WDFY4: variants seen among roughly 807,000 people sequenced by gnomAD.
WDFY4 encodes WDFY family member 4.
Under a neutral mutation model 351.9 loss-of-function variants are expected in WDFY4, and 169 were observed. That is an observed-to-expected ratio of 0.48 (90% confidence interval 0.42 to 0.55). The LOEUF is 0.55. Ranked by LOEUF, WDFY4 falls within the 20% of genes least tolerant of loss-of-function variation. WDFY4 has a pLI of 0.00. For missense variants in WDFY4, 3,803 were observed against 3,935.6 expected (o/e 0.97, Z 0.90); for synonymous variants, 1,622 against 1,574.6 (o/e 1.03, Z -0.71).
At position 48,982,775 on chromosome 10, in the gene WDFY4, C is replaced by A; in HGVS notation, c.*200C>A. ...GGGACTTCTATGAAAAGGATGAGCA[C>A]ACACACTCGGAGGGCTGAGCAGCAC... On this transcript the variant is annotated 3_prime_UTR_variant, in exon 62 of 62. Coordinates refer to ENST00000325239, the MANE Select transcript of WDFY4 (RefSeq NM_001394531.1). 1.6e-6 allele frequency: 1 copy of A among 617,130 alleles called. No homozygotes were observed. The highest frequency in any genetic ancestry group is 3.1e-6 in the Non-Finnish European group (1 of 323,662). 38.2% of individuals were successfully genotyped at this position (617,130 alleles called of 1,614,324 possible). A position where few individuals can be genotyped will look rare whatever the true frequency, so the allele number is the denominator to read the frequency against.
intron 39 of WDFY4, among the ~76,000 whole-genome samples, chr10:48,864,894 GA>G (rs1213140507): frequency 5.9e-5 from 9 of 152,144 alleles, no homozygotes; most frequent in Admixed American, 6.6e-5. Context: ...GAACACAGCT[GA>G]TTTACGTGTT....
At chr10:48,823,329 A>T in intron 35 of WDFY4, 1 of 1,281,548 alleles carries the variant, frequency 7.8e-7, no homozygotes, top group Non-Finnish European at 1.0e-6. Flanking sequence ...ACTTTCTGTT[A>T]TCAAGCTGGG....
Position 48,743,525 on chromosome 10 carries a change from G to A in WDFY4, c.2436G>A (p.Lys812=), listed in dbSNP as rs572382461. The A allele has an allele frequency of 4.2e-5, 64 of 1,537,406 alleles. No individual in the cohort carries two copies. The South Asian group carries it at 5.8e-4, about 14-fold the overall frequency. ...GCAGTGACCCCCAACGCAACTTCAA[G>A]CAGTGGCCAGACCTGGAGGAGAGGT... The part of the protein sequence containing the change: ...ETGSDPQRNF[K]QWPDLEERMD... Residue 812 remains lysine, a synonymous_variant, in exon 12 of 62, where the codon AAG becomes AAA. Coordinates refer to ENST00000325239, the MANE Select transcript of WDFY4 (RefSeq NM_001394531.1).
At chr10:48,865,339 G>A (rs2069507060) in intron 39 of WDFY4, among the ~76,000 whole-genome samples, 1 of 152,080 alleles carries the variant, frequency 6.6e-6, no homozygotes, top group Non-Finnish European at 1.5e-5. Flanking sequence ...CATGGTTTCT[G>A]TTATTTATTC....
chr10:48,947,048 G>T, intron 51 of WDFY4, 79 bp downstream of exon 51: 1 of 1,196,194 alleles, frequency 8.4e-7, no homozygotes, highest in East Asian at 2.6e-5. Context: ...ACTAAGACCT[G>T]TGCTTGAACA....
chr10:48,698,030 C>G (rs2063377911), intron 1 of WDFY4, among the ~76,000 whole-genome samples: 1 of 152,188 alleles, frequency 6.6e-6, no homozygotes, highest in Non-Finnish European at 1.5e-5. Flanking sequence ...TGTGCCCCAG[C>G]TCTTGAGATG....
intron 24 of WDFY4, among the ~76,000 whole-genome samples, chr10:48,799,253 A>G (rs1324135823): frequency 1.3e-5 from 2 of 152,256 alleles, no homozygotes; most frequent in African/African-American, 4.8e-5. Flanking sequence ...ACCACCAATA[A>G]GAACCAGATG....
chr10:48,814,106 G>A, intron 31 of WDFY4, 24 bp downstream of exon 31: 1 of 1,511,092 alleles, frequency 6.6e-7, no homozygotes, highest in Non-Finnish European at 8.9e-7. Flanking sequence ...CCCACATGCT[G>A]CCCCGAGGAG....
At position 48,877,077 on chromosome 10, in the gene WDFY4, G is replaced by A; in HGVS notation, c.7045G>A (p.Gly2349Arg). 5.2e-6 allele frequency: 8 copies of A among 1,534,402 alleles called. No individual in the cohort carries two copies. The highest frequency in any genetic ancestry group is 7.0e-6 in the Non-Finnish European group (8 of 1,137,066). The change falls in exon 43 of 62, where the codon GGG becomes AGG. Residue 2349 changes from glycine (G) to arginine (R), a missense_variant. By Grantham distance (125) the Gly-to-Arg change is moderately radical. This residue lies in a region of WDFY4 where 3,054 missense variants were observed against 3,148.6 expected (regional missense o/e 0.97). Transcript: ENST00000325239. ...GGCTGAGGGCGAGCCGGACGAGGTG[G>A]GGGTGGACTGCACCCAGCTGACCTT... is the stretch of plus-strand genomic sequence containing the variant. ...REAEGEPDEV[G>R]VDCTQLTFFP...
chr10:48,770,564 G>C (rs1199215275), intron 13 of WDFY4, among the ~76,000 whole-genome samples: 1 of 152,208 alleles, frequency 6.6e-6, no homozygotes, highest in African/African-American at 2.4e-5. Flanking sequence ...TTCAAGGCAA[G>C]AGGGTGGATG....
At chr10:48,863,775 A>G (rs1401485236) in intron 39 of WDFY4, among the ~76,000 whole-genome samples, 2 of 152,170 alleles carry the variant, frequency 1.3e-5, no homozygotes, top group Non-Finnish European at 2.9e-5. Flanking sequence ...GTAATTTATA[A>G]AGAAAAGAGG....
In WDFY4 at chr10:48,980,295, TACA is replaced by T. The variant is rs200758635; in HGVS notation, c.9377-1071_9377-1069del. On this transcript the variant is annotated intron_variant, in intron 60 of 61. Transcript: ENST00000325239. ...CTCTAATAAAAAGGCATGTTGTTCT[TACA>T]TTGCTCAAAACTGCTTTGTTGGAAA... 4.9e-4 allele frequency among the ~76,000 whole-genome samples: 63 copies of T among 127,750 alleles called. 1 individual carries two copies. In the South Asian group the frequency reaches 9.0e-3, roughly 18 times the overall value. The allele number at this position is 127,750 out of a possible 152,430, so 83.8% of individuals were successfully genotyped here.
chr10:48,926,265 C>G (rs971938432), intron 47 of WDFY4, among the ~76,000 whole-genome samples: 4 of 152,214 alleles, frequency 2.6e-5, no homozygotes, highest in African/African-American at 4.8e-5. Context: ...GCCCCAGGCC[C>G]CAGGAAGGGT....
chr10:48,947,844 C>T (rs777045832), intron 51 of WDFY4, among the ~76,000 whole-genome samples: 2 of 152,174 alleles, frequency 1.3e-5, no homozygotes, highest in Non-Finnish European at 2.9e-5. Context: ...GTATGGGCTG[C>T]CCTGATCCAG....
At position 48,778,750 on chromosome 10, in the gene WDFY4, C is replaced by G. The variant is rs1824729067; in HGVS notation, c.3315C>G (p.Pro1105=). 1 of 1,551,658 alleles carries G rather than the reference C, an allele frequency of 6.4e-7. No individual in the cohort carries two copies. The highest frequency in any genetic ancestry group is 8.7e-7 in the Non-Finnish European group (1 of 1,147,016). Residue 1105 remains proline (P), a synonymous_variant, in exon 18 of 62, where the codon CCC becomes CCG. Transcript: ENST00000325239. ...GCCACCTGGCCAGGACTGAGCAACC[C>G]TTTGTTTGCTTCTCCGTCAGCCTCT... ...LVRHLARTEQ[P]FVCFSVSLCP...
chr10:48,952,951 G>T (rs1039186581), intron 51 of WDFY4, among the ~76,000 whole-genome samples: 4 of 152,076 alleles, frequency 2.6e-5, no homozygotes, highest in African/African-American at 9.7e-5. Flanking sequence ...TCACACATTT[G>T]CCCCGTTACT....
chr10:48,935,502 C>A (rs2133714238), intron 47 of WDFY4, among the ~76,000 whole-genome samples: 1 of 152,364 alleles, frequency 6.6e-6, no homozygotes, highest in Admixed American at 6.5e-5. Flanking sequence ...AGAAGCCACA[C>A]ATTTCTCTTA....
chr10:48,715,869 TCA>T (rs1325286755), intron 2 of WDFY4, among the ~76,000 whole-genome samples: 6 of 151,766 alleles, frequency 4.0e-5, no homozygotes, highest in African/African-American at 1.5e-4. Context: ...CAGGATGGTC[TCA>T]GTCTCCTGAC....
At chr10:48,747,221 T>C (rs11101451) in intron 12 of WDFY4, among the ~76,000 whole-genome samples, 5,150 of 152,318 alleles carry the variant, frequency 0.034, 317 homozygotes, top group African/African-American at 0.12. Flanking sequence ...TTGTTGCCTT[T>C]TAAAATCGTT....
Sources: allele counts gnomAD v4.1 joint callset (sites outside exome capture counted in the v4.1 genomes callset), GRCh38; gene constraint gnomAD v4.1.1; regional missense constraint gnomAD v4.1.1; transcripts MANE v1.5; gene names NCBI Gene and HGNC (gene_info 2026-07-23, HGNC 2026-07-21).